The following IQCM variants were observed in gnomAD, a reference collection of about 807,000 sequenced individuals.
The protein encoded by IQCM is IQ motif containing M.
IQCM carries 45 observed loss-of-function variants against 57.6 expected under a neutral mutation model. That is an observed-to-expected ratio of 0.78 (90% confidence interval 0.62 to 1.00). IQCM has a LOEUF of 1.00. Ranked by LOEUF, IQCM falls within the 50% of genes least tolerant of loss-of-function variation. IQCM has a pLI of 0.00. For missense variants in IQCM, 468 were observed against 511.6 expected (o/e 0.91, Z 0.82); for synonymous variants, 148 against 158.9 (o/e 0.93, Z 0.51).
intron 13 of IQCM, among the ~76,000 whole-genome samples, chr4:149,401,203 C>G (rs1041510671): frequency 6.6e-6 from 1 of 151,716 alleles, no homozygotes; most frequent in Non-Finnish European, 1.5e-5. Context: ...TTACAGATGT[C>G]TAAGGCAGAT....
intron 13 of IQCM, among the ~76,000 whole-genome samples, chr4:149,402,415 G>T (rs770993910): frequency 6.6e-6 from 1 of 151,674 alleles, no homozygotes; most frequent in African/African-American, 2.4e-5. Context: ...ATATTCACAG[G>T]TTATAAACCA....
intron 12 of IQCM, among the ~76,000 whole-genome samples, chr4:149,470,606 C>A (rs1178884801): frequency 6.6e-6 from 1 of 152,124 alleles, no homozygotes; most frequent in Non-Finnish European, 1.5e-5. Flanking sequence ...TTGAACTCAG[C>A]TCTGCACCAA....
chr4:149,522,405 T>A (rs1268104355), intron 12 of IQCM, among the ~76,000 whole-genome samples: 1 of 152,076 alleles, frequency 6.6e-6, no homozygotes, highest in Admixed American at 6.6e-5. Context: ...ATGGCTCCTA[T>A]CAGAATAGAA....
chr4:149,512,826 T>C (rs1490034288), intron 12 of IQCM, among the ~76,000 whole-genome samples: 1 of 152,226 alleles, frequency 6.6e-6, no homozygotes, highest in Non-Finnish European at 1.5e-5. Context: ...GAAATGTTTT[T>C]AATAAAAATA....
chr4:149,410,139 C>T (rs185993384), intron 13 of IQCM, among the ~76,000 whole-genome samples: 192 of 152,144 alleles, frequency 1.3e-3, no homozygotes, highest in Middle Eastern at 3.4e-3. Flanking sequence ...GCCGAGATTG[C>T]GCCACTCCAC....
intron 12 of IQCM, among the ~76,000 whole-genome samples, chr4:149,545,812 A>G (rs556576813): frequency 1.4e-5 from 2 of 143,788 alleles, no homozygotes; most frequent in Admixed American, 1.4e-4. Flanking sequence ...GGAAAAAAAA[A>G]GTGGTATTTT....
intron 2 of IQCM, among the ~76,000 whole-genome samples, chr4:149,786,715 C>T (rs963748372): frequency 1.8e-4 from 28 of 152,126 alleles, no homozygotes; most frequent in South Asian, 4.2e-4. Context: ...AATAAGAATG[C>T]TTTTACACTG....
chr4:149,573,964 T>C (rs1442310308), intron 9 of IQCM, among the ~76,000 whole-genome samples: 5 of 151,932 alleles, frequency 3.3e-5, no homozygotes, highest in East Asian at 1.9e-4. Context: ...CAATCCTCAA[T>C]AGTTAGGATG....
chr4:149,458,395 A>G (rs1023958981), intron 12 of IQCM, among the ~76,000 whole-genome samples: 4 of 152,094 alleles, frequency 2.6e-5, no homozygotes, highest in African/African-American at 4.8e-5. Context: ...TTTAAAAAGT[A>G]CCCAGTAAGT....
chr4:149,548,429 G>A (rs1051352041), intron 12 of IQCM, 26 bp downstream of exon 12: 62 of 1,230,062 alleles, frequency 5.0e-5, no homozygotes, highest in Non-Finnish European at 6.1e-5. Flanking sequence ...AAAGAAGGGG[G>A]GAAAAAGAAA....
At chr4:149,788,820 A>G (rs1179656779) in intron 2 of IQCM, among the ~76,000 whole-genome samples, 3 of 152,224 alleles carry the variant, frequency 2.0e-5, no homozygotes, top group Non-Finnish European at 4.4e-5. Context: ...ACCTTAGAAA[A>G]TAATAAAAGC....
chr4:149,353,413 C>T (rs557278066), intron 13 of IQCM, among the ~76,000 whole-genome samples: 1 of 152,268 alleles, frequency 6.6e-6, no homozygotes, highest in African/African-American at 2.4e-5. Context: ...ACCCTAAGAT[C>T]CAGCAATCCC....
At chr4:149,778,323 C>T (rs375134600) in intron 2 of IQCM, among the ~76,000 whole-genome samples, 10 of 151,820 alleles carry the variant, frequency 6.6e-5, no homozygotes, top group Admixed American at 2.6e-4. Flanking sequence ...TTGCAGTGAG[C>T]GGAGATGGCG....
Position 149,617,209 on chromosome 4 carries a change from C to G in IQCM, c.681+3920G>C, listed in dbSNP as rs528066069. 8.5e-5 allele frequency among the ~76,000 whole-genome samples: 13 copies of G among 152,232 alleles called. No individual in the cohort carries two copies. The South Asian group carries it at 2.7e-3, about 32-fold the overall frequency. ...ACCTCAGGTGATCCACCTGCCTCAG[C>G]CTCCCATAGTGCTGGAATTACTGGC... On this transcript the variant is annotated intron_variant, in intron 8 of 13. Coordinates refer to ENST00000636793, the MANE Select transcript of IQCM (RefSeq NM_001363507.2).
intron 5 of IQCM, among the ~76,000 whole-genome samples, chr4:149,715,655 C>T (rs914150201): frequency 6.6e-6 from 1 of 152,148 alleles, no homozygotes; most frequent in African/African-American, 2.4e-5. Context: ...GAGTTCTTGT[C>T]CCATGTCCAG....
chr4:149,414,285 T>C (rs1158974404), intron 13 of IQCM, among the ~76,000 whole-genome samples: 10 of 152,192 alleles, frequency 6.6e-5, no homozygotes, highest in Admixed American at 5.9e-4. Context: ...CCAAAGTATG[T>C]GGTCAATTCT....
In IQCM at chr4:149,581,721, A is replaced by G. The variant is rs189606105; in HGVS notation, c.749+6209T>C. ...GTGCTACTAAAATTTCATTTGAAAT[A>G]CTGTGTTTTTTCCTGAGCATATTTT... On this transcript the variant is annotated intron_variant, in intron 9 of 13. Coordinates refer to ENST00000636793, the MANE Select transcript of IQCM (RefSeq NM_001363507.2). 5.5e-3 allele frequency among the ~76,000 whole-genome samples: 831 copies of G among 151,826 alleles called. 4 individuals carry two copies. Among genetic ancestry groups the G allele is most frequent in the Non-Finnish European group, 8.6e-3 (586 of 67,824 alleles).
chr4:149,635,488 T>G (rs531319160), intron 7 of IQCM, among the ~76,000 whole-genome samples: 1 of 152,226 alleles, frequency 6.6e-6, no homozygotes, highest in Non-Finnish European at 1.5e-5. Flanking sequence ...ATGTATAAAA[T>G]ATGCCCTCTC....
In IQCM at chr4:149,733,383, G is replaced by A. The variant is rs17026378; in HGVS notation, c.246C>T (p.Ala82=). ...TGGGAAAGCAAATCCTTCTGAGTGC[G>A]GCCCGATGTTCTTGCACCACATCAC... is the stretch of plus-strand genomic sequence containing the variant. ...VTRDVVQEHR[A]ALRRICFPKE... Residue 82 remains alanine, a synonymous_variant, in exon 5 of 14, where the codon GCC becomes GCT. Transcript: ENST00000636793. The A allele has an allele frequency of 4.9e-5, 60 of 1,231,712 alleles. No individual in the cohort carries two copies. The highest frequency in any genetic ancestry group is 2.5e-4 in the South Asian group (6 of 24,314). 76.3% of individuals were successfully genotyped at this position (1,231,712 alleles called of 1,614,324 possible).
Sources: gnomAD v4.1 joint callset for allele counts (sites outside exome capture counted in the v4.1 genomes callset) on GRCh38, gnomAD v4.1.1 for gene constraint, MANE v1.5 for transcripts, NCBI Gene and HGNC (gene_info 2026-07-23, HGNC 2026-07-21) for gene names.